NUP155: variants seen among roughly 807,000 people sequenced by gnomAD.
NUP155 encodes nucleoporin 155, also known as nuclear pore complex protein Nup155.
A neutral mutation model predicts 180.4 loss-of-function variants in NUP155; 71 were observed. The observed-to-expected ratio is 0.39, with a 90% CI of 0.33 to 0.48. NUP155 has a LOEUF of 0.48. Ranked by LOEUF, NUP155 falls within the 20% of genes least tolerant of loss-of-function variation. The probability of loss-of-function intolerance (pLI) is 0.91; values close to 1 mark genes in which losing one functional copy is unlikely to be tolerated. For synonymous variants in NUP155, 582 were observed against 559.5 expected (o/e 1.04, Z -0.57); for missense variants, 1,553 against 1,648.9 (o/e 0.94, Z 1.01).
intron 1 of NUP155, 191 bp downstream of exon 1, chr5:37,370,630 G>A (rs1747898266): frequency 7.3e-6 from 11 of 1,513,812 alleles, no homozygotes; most frequent in South Asian, 2.6e-5. Flanking sequence ...GCCCTCTCAA[G>A]TATCTACAAT....
chr5:37,347,405 A>G (rs114433029), intron 9 of NUP155, among the ~76,000 whole-genome samples: 2,457 of 152,120 alleles, frequency 0.016, 78 homozygotes, highest in African/African-American at 0.057. Context: ...TAAGAATAAA[A>G]GAGTCTCAAG....
intron 10 of NUP155, among the ~76,000 whole-genome samples, chr5:37,341,599 G>A (rs1174174340): frequency 6.6e-6 from 1 of 151,992 alleles, no homozygotes; most frequent in Non-Finnish European, 1.5e-5. Context: ...GGAGTGTAGT[G>A]GCGCGATCTT....
At chr5:37,361,261 G>C (rs1747196267) in intron 3 of NUP155, among the ~76,000 whole-genome samples, 1 of 79,124 alleles carries the variant, frequency 1.3e-5, no homozygotes. Flanking sequence ...GCGAGACTCT[G>C]TCTCAAAAAA....
rs750056606 is a variant in NUP155, at chr5:37,301,510, C to T, written c.3488G>A (p.Arg1163Lys). 3.7e-6 allele frequency: 6 copies of T among 1,613,732 alleles called. No individual in the cohort carries two copies. Among genetic ancestry groups the T allele is most frequent in the Non-Finnish European group, 5.1e-6 (6 of 1,179,692 alleles). The change falls in exon 30 of 35, where the codon AGG becomes AAG. Residue 1163 changes from arginine (R) to lysine (K), a missense_variant. Coordinates refer to ENST00000231498, the MANE Select transcript of NUP155 (RefSeq NM_153485.3). ...IQLQIQETLQ[R>K]QYSHHSSVQD... ...TACAGAAGAATGATGGGAATACTGC[C>T]TTTGTAGTGTCTCCTGTATCTGAAG...
At position 37,311,292 on chromosome 5, in the gene NUP155, A is replaced by G. The variant is rs1215457222; in HGVS notation, c.2437-549T>C. On this transcript the variant is annotated intron_variant, in intron 22 of 34. Transcript: ENST00000231498. ...AAACTGTGTTAAAATTCTTGAACAA[A>G]TCTTTAATTTGCATTCATTGAGCAT... 5.9e-5 allele frequency among the ~76,000 whole-genome samples: 9 copies of G among 152,304 alleles called. No individual in the cohort carries two copies. The East Asian group carries it at 1.5e-3, about 26-fold the overall frequency.
At chr5:37,340,273 T>G (rs1171122901) in intron 11 of NUP155, among the ~76,000 whole-genome samples, 2 of 151,982 alleles carry the variant, frequency 1.3e-5, no homozygotes, top group African/African-American at 4.8e-5. Context: ...AAAGCCTATC[T>G]CTACAAAAAG....
rs1028432870 is a variant in NUP155 at position 37,318,093 on chromosome 5, A to G, written c.2208-8T>C. 6.7e-7 allele frequency: 1 copy of G among 1,497,692 alleles called. No homozygotes were observed. Among genetic ancestry groups the G allele is most frequent in the Non-Finnish European group, 9.3e-7 (1 of 1,073,756 alleles). 92.8% of individuals were successfully genotyped at this position (1,497,692 alleles called of 1,614,324 possible). On this transcript the variant is annotated splice_polypyrimidine_tract_variant and splice_region_variant and intron_variant, in intron 20 of 34. Coordinates refer to ENST00000231498, the MANE Select transcript of NUP155 (RefSeq NM_153485.3). Reference sequence around the variant, plus strand: ...TGCACTTTAGCAGTAGTACTGAAACAGAAATTGCAGAATGTGTGTGTTTAT... The same window carrying G: ...TGCACTTTAGCAGTAGTACTGAAACGGAAATTGCAGAATGTGTGTGTTTAT...
chr5:37,329,983 T>C (rs975966052), intron 15 of NUP155, 55 bp downstream of exon 15: 3 of 1,243,008 alleles, frequency 2.4e-6, no homozygotes, highest in Non-Finnish European at 3.5e-6. Context: ...AAAATCATTT[T>C]AAAAAGTGGC....
intron 1 of NUP155, among the ~76,000 whole-genome samples, chr5:37,364,621 G>T (rs189018638): frequency 1.5e-5 from 2 of 136,852 alleles, no homozygotes; most frequent in East Asian, 4.3e-4. Context: ...TGTAACAAAG[G>T]AAATGTTTAT....
At position 37,304,719 on chromosome 5, in the gene NUP155, T is replaced by C; in HGVS notation, c.3162+20A>G. On this transcript the variant is annotated intron_variant, in intron 27 of 34. Transcript: ENST00000231498. The stretch of plus-strand genomic sequence containing the variant: ...GCTCCTTAAGAATAATTAACACAAC[T>C]GCAATAAAAAAAGATTTACCTGTAG... 6.8e-7 allele frequency: 1 copy of C among 1,474,276 alleles called. No individual in the cohort carries two copies. The highest frequency in any genetic ancestry group is 9.5e-7 in the Non-Finnish European group (1 of 1,053,330). 91.3% of individuals were successfully genotyped at this position (1,474,276 alleles called of 1,614,324 possible).
intron 28 of NUP155, 118 bp from the exon 29 acceptor site, chr5:37,303,026 G>T (rs943143865): frequency 8.3e-7 from 1 of 1,205,626 alleles, no homozygotes; most frequent in Non-Finnish European, 1.2e-6. Context: ...TCTGAAACTT[G>T]AAAAAAAATC....
rs34103075 is a variant in NUP155 at position 37,344,871 on chromosome 5, C to CAA, written c.996-2227_996-2226dup. 3.7e-3 allele frequency among the ~76,000 whole-genome samples: 279 copies of CAA among 75,234 alleles called. 1 individual carries two copies. Among genetic ancestry groups the CAA allele is most frequent in the Non-Finnish European group, 5.2e-3 (200 of 38,168 alleles). The allele number at this position is 75,234 out of a possible 152,430, so 49.4% of individuals were successfully genotyped here. A position where few individuals can be genotyped will look rare whatever the true frequency, so the allele number is the denominator to read the frequency against. The stretch of plus-strand genomic sequence containing the variant: ...TGGGTGACAGAGCAAGACTCCATCT[C>CAA]AAAAAAAAAAAAAAAAAGATTTTGG... On this transcript the variant is annotated intron_variant, in intron 9 of 34. Coordinates refer to ENST00000231498, the MANE Select transcript of NUP155 (RefSeq NM_153485.3).
At position 37,307,402 on chromosome 5, in the gene NUP155, G is replaced by T; in HGVS notation, c.2798C>A (p.Ser933Tyr). 2.5e-6 allele frequency: 4 copies of T among 1,614,000 alleles called. No individual in the cohort carries two copies. The highest frequency in any genetic ancestry group is 3.4e-6 in the Non-Finnish European group (4 of 1,179,968). ...VRFYEGVVELSLTAAEKKDPQ... is the reference protein window; with the variant it reads ...VRFYEGVVELYLTAAEKKDPQ... ...ATCTTTTTTCTCTGCAGCCGTAAGA[G>T]AAAGTTCCACCACACCCTCATAAAA... The change falls in exon 25 of 35, where the codon TCT (serine) becomes TAT (tyrosine). Residue 933 changes from serine (S) to tyrosine (Y), a missense_variant. Physicochemically the swap from Ser to Tyr is moderately radical, Grantham distance 144. Coordinates refer to ENST00000231498, the MANE Select transcript of NUP155 (RefSeq NM_153485.3).
chr5:37,335,979 T>C (rs867576211), intron 12 of NUP155, among the ~76,000 whole-genome samples: 2 of 151,926 alleles, frequency 1.3e-5, no homozygotes, highest in South Asian at 2.1e-4. Flanking sequence ...AAAAAAGTTA[T>C]CAATTCCCTA....
chr5:37,327,417 T>C (rs1581165644), intron 18 of NUP155, among the ~76,000 whole-genome samples: 2 of 152,122 alleles, frequency 1.3e-5, no homozygotes, highest in East Asian at 1.9e-4. Context: ...GCTACAAAAA[T>C]AGATTATGAG....
chr5:37,364,001 G>A lies in NUP155; in HGVS notation c.296-17C>T, dbSNP rs1373191593. 8 of 1,554,804 alleles carry A rather than the reference G, an allele frequency of 5.1e-6. No homozygotes were observed. Among genetic ancestry groups the A allele is most frequent in the Non-Finnish European group, 7.1e-6 (8 of 1,125,944 alleles). ...ACTGCATATCTGAGGTAGTGTGGAT[G>A]TAAGGCAGACAGAGGTGAATCTTAT... On this transcript the variant is annotated splice_polypyrimidine_tract_variant and intron_variant, in intron 2 of 34. Transcript: ENST00000231498.
At position 37,342,657 on chromosome 5, in the gene NUP155, G is replaced by A. The variant is rs1414649508; in HGVS notation, c.996-11C>T. The A allele has an allele frequency of 2.6e-6, 4 of 1,529,102 alleles. No homozygotes were observed. Among genetic ancestry groups the A allele is most frequent in the Non-Finnish European group, 3.6e-6 (4 of 1,103,178 alleles). 94.7% of individuals were successfully genotyped at this position (1,529,102 alleles called of 1,614,324 possible). A position where few individuals can be genotyped will look rare whatever the true frequency, so the allele number is the denominator to read the frequency against. On this transcript the variant is annotated splice_polypyrimidine_tract_variant and intron_variant, in intron 9 of 34. Transcript: ENST00000231498. ...GAACGATCGATGGTCCTAAAAGAAAGGAGAAAATAAAGTGTATTTTTAAAA... is the reference window on the plus strand; with the variant it reads ...GAACGATCGATGGTCCTAAAAGAAAAGAGAAAATAAAGTGTATTTTTAAAA...
chr5:37,311,984 G>A (rs988011338), intron 22 of NUP155, among the ~76,000 whole-genome samples: 2 of 152,132 alleles, frequency 1.3e-5, no homozygotes, highest in Admixed American at 1.3e-4. Context: ...TTGCTCCACA[G>A]CACTCCAGCC....
rs1742191363 is a variant in NUP155, at chr5:37,290,557, A to G, written c.*1343T>C. The G allele has an allele frequency of 2.6e-5, 4 of 151,212 alleles. No individual in the cohort carries two copies. Among genetic ancestry groups the G allele is most frequent in the Admixed American group, 2.6e-4 (4 of 15,184 alleles). 9.4% of individuals were successfully genotyped at this position (151,212 alleles called of 1,614,324 possible). On this transcript the variant is annotated 3_prime_UTR_variant, in exon 35 of 35. Transcript: ENST00000231498. ...CCCACTCTTCTTCTCTCTTGTTGCT[A>G]TTACTTTGAAGCATTTGGTTTGGTT... is the stretch of plus-strand genomic sequence containing the variant.
Sources: allele counts gnomAD v4.1 joint callset (sites outside exome capture counted in the v4.1 genomes callset), GRCh38; gene constraint gnomAD v4.1.1; transcripts MANE v1.5; gene names NCBI Gene and HGNC (gene_info 2026-07-23, HGNC 2026-07-21).